TRIM37: variants seen among roughly 807,000 people sequenced by gnomAD.
TRIM37 encodes the protein tripartite motif containing 37.
In TRIM37, 80 loss-of-function variants were observed where a neutral mutation model predicts 129.8. The ratio of observed to expected loss-of-function variants is 0.62; its 90% CI spans 0.51 to 0.74. The LOEUF is 0.74. TRIM37 is among the 30% of genes least tolerant of loss of function. TRIM37 has a pLI of 0.00. For synonymous variants in TRIM37, 389 were observed against 387.1 expected (o/e 1.00, Z -0.06); for missense variants, 1,054 against 1,176.5 (o/e 0.90, Z 1.52).
chr17:58,999,357 C>A lies in TRIM37; in HGVS notation c.*20G>T. On this transcript the variant is annotated 3_prime_UTR_variant, in exon 24 of 24. Transcript: ENST00000262294. The stretch of plus-strand genomic sequence containing the variant: ...TTCAGGGTCAAGGTAGCTTGCAAGT[C>A]AGTTCTCTTGATTTGGCAATTACCT... 1 of 1,613,766 alleles carries A rather than the reference C, an allele frequency of 6.2e-7. No individual in the cohort carries two copies. The highest frequency in any genetic ancestry group is 1.1e-5 in the South Asian group (1 of 91,050).
downstream of TRIM37, chr17:58,980,524 A>G: frequency 1.2e-6 from 2 of 1,614,212 alleles, no homozygotes; most frequent in Non-Finnish European, 1.7e-6. The surrounding 1 kb of genome is among the most constrained non-coding windows in gnomAD (Gnocchi z 4.7). Context: ...AGTTTTTGCT[A>G]CCAGTTGAGA....
intron 1 of TRIM37, among the ~76,000 whole-genome samples, chr17:59,106,008 G>A (rs953106272): frequency 6.6e-6 from 1 of 152,208 alleles, no homozygotes; most frequent in Non-Finnish European, 1.5e-5. Context: ...TTCAATCTAG[G>A]AAGGAAGGGC....
intron 22 of TRIM37, 113 bp downstream of exon 22, chr17:59,012,215 C>CCACCAGCAGCAGCAG (rs1555639578): frequency 2.6e-5 from 15 of 567,472 alleles, no homozygotes; most frequent in East Asian, 1.1e-4. Context: ...ATCACTACCA[C>CCACCAGCAGCAGCAG]CAGCAGCAGC....
chr17:58,995,733 G>A (rs1029313800), downstream of TRIM37, among the ~76,000 whole-genome samples: 7 of 152,142 alleles, frequency 4.6e-5, no homozygotes, highest in Non-Finnish European at 8.8e-5. Flanking sequence ...GCTAAAATTC[G>A]TAAGCAAGAG....
chr17:59,090,389 G>A (rs2044181740), intron 3 of TRIM37, among the ~76,000 whole-genome samples: 1 of 151,734 alleles, frequency 6.6e-6, no homozygotes, highest in Admixed American at 6.6e-5. Context: ...AATCACATAC[G>A]CATATATATA....
intron 13 of TRIM37, 126 bp downstream of exon 13, chr17:59,056,749 G>C (rs1180513198): frequency 3.8e-5 from 3 of 79,480 alleles, no homozygotes; most frequent in Admixed American, 2.1e-4. Context: ...AAAAAAAAAG[G>C]TGATAAGGTT....
intron 13 of TRIM37, among the ~76,000 whole-genome samples, chr17:59,055,158 G>A (rs147928696): frequency 0.021 from 3,132 of 151,648 alleles, 41 homozygotes; most frequent in Middle Eastern, 0.044. Flanking sequence ...TCAACACGGA[G>A]AAACCCCATC....
chr17:59,053,226 T>C (rs1199050347), intron 13 of TRIM37, among the ~76,000 whole-genome samples: 2 of 152,228 alleles, frequency 1.3e-5, no homozygotes, highest in African/African-American at 4.8e-5. Context: ...ATTTCTTAAC[T>C]TTCTGTTTTA....
At chr17:58,993,268 G>A (rs534224107), downstream of TRIM37, among the ~76,000 whole-genome samples, 19 of 152,216 alleles carry the variant, frequency 1.2e-4, no homozygotes, top group East Asian at 2.9e-3. Context: ...GCCCAGTCTC[G>A]GGTATATCTT....
At chr17:58,969,839 A>G in the TRIM37 span, 1 of 1,006,046 alleles carries the variant, frequency 9.9e-7, no homozygotes, top group Non-Finnish European at 1.4e-6. Flanking sequence ...CATTATCCAA[A>G]CTGTATTCTT....
At chr17:59,045,926 G>C (rs751856620) in intron 16 of TRIM37, among the ~76,000 whole-genome samples, 10 of 151,998 alleles carry the variant, frequency 6.6e-5, no homozygotes, top group Non-Finnish European at 1.5e-4. Flanking sequence ...TGAGGTGGAA[G>C]GATCACTTGA....
chr17:58,987,259 A>G (rs1317434827), intron 24 of TRIM37, among the ~76,000 whole-genome samples: 2 of 152,222 alleles, frequency 1.3e-5, no homozygotes, highest in Non-Finnish European at 2.9e-5. Flanking sequence ...TAGTCATTAC[A>G]TTGAGTAGTA....
At chr17:58,977,885 C>T (rs572039201), downstream of TRIM37, among the ~76,000 whole-genome samples, 1 of 152,166 alleles carries the variant, frequency 6.6e-6, no homozygotes, top group South Asian at 2.1e-4. Context: ...TGGGACTTTG[C>T]ATGCATGCCA....
intron 24 of TRIM37, among the ~76,000 whole-genome samples, chr17:58,992,473 C>G (rs942549659): frequency 6.6e-6 from 1 of 151,744 alleles, no homozygotes; most frequent in Non-Finnish European, 1.5e-5. Context: ...CTCCACCTCC[C>G]GGGTTCAAGT....
chr17:59,094,643 T>C (rs1176697265), intron 2 of TRIM37, among the ~76,000 whole-genome samples: 2 of 152,118 alleles, frequency 1.3e-5, no homozygotes, highest in African/African-American at 4.8e-5. Context: ...CTGCTAACAT[T>C]TATAGTTCAA....
intron 12 of TRIM37, among the ~76,000 whole-genome samples, chr17:59,057,792 G>T (rs1331063091): frequency 6.6e-6 from 1 of 152,150 alleles, no homozygotes; most frequent in Non-Finnish European, 1.5e-5. Flanking sequence ...CCAAAGGGCT[G>T]GGATTACGGG....
chr17:59,001,480 C>T, intron 23 of TRIM37, 118 bp downstream of exon 23: 1 of 1,222,564 alleles, frequency 8.2e-7, no homozygotes, highest in Admixed American at 2.3e-5. Context: ...GAAGTAGAAG[C>T]AGAAGAAGCA....
chr17:58,990,467 G>A (rs2032266710), intron 24 of TRIM37, among the ~76,000 whole-genome samples: 2 of 151,772 alleles, frequency 1.3e-5, no homozygotes, highest in South Asian at 4.2e-4. Flanking sequence ...CTCCAGCCCA[G>A]GTGACAGAGT....
At chr17:59,052,141 A>T (rs1668135614) in intron 13 of TRIM37, among the ~76,000 whole-genome samples, 1 of 152,108 alleles carries the variant, frequency 6.6e-6, no homozygotes, top group Non-Finnish European at 1.5e-5. Context: ...TAGGAAAAAA[A>T]GTACTGCACC....
Sources: allele counts gnomAD v4.1 joint callset (sites outside exome capture counted in the v4.1 genomes callset), GRCh38; gene constraint gnomAD v4.1.1; non-coding constraint Gnocchi (gnomAD v3.1); transcripts MANE v1.5; gene names NCBI Gene and HGNC (gene_info 2026-07-23, HGNC 2026-07-21).